RYR2: variants seen among roughly 807,000 people sequenced by gnomAD.
The protein encoded by RYR2 is ryanodine receptor 2, also known as cardiac muscle ryanodine receptor-calcium release channel.
Under a neutral mutation model 601.1 loss-of-function variants are expected in RYR2, and 227 were observed. The ratio of observed to expected loss-of-function variants is 0.38; its 90% CI spans 0.34 to 0.42. The LOEUF (loss-of-function observed/expected upper bound fraction) is 0.42, where lower values mean the gene tolerates loss of function less well. RYR2 is among the 10% of genes least tolerant of loss of function. The pLI is 1.00. For missense variants in RYR2, 4,646 were observed against 6,156.5 expected, an observed-to-expected ratio of 0.75 and a Z score of 8.21; for synonymous variants, 2,223 against 2,175.1, an observed-to-expected ratio of 1.02 and a Z score of -0.61.
intron 17 of RYR2, among the ~76,000 whole-genome samples, chr1:237,478,790 ACC>A (rs10559702): frequency 0.43 from 64,249 of 151,094 alleles, 14,786 homozygotes; most frequent in African/African-American, 0.61. Context: ...GCCTTAAGGG[ACC>A]CCCCTACCCT....
intron 3 of RYR2, among the ~76,000 whole-genome samples, chr1:237,343,466 G>A (rs1244198383): frequency 6.6e-6 from 1 of 152,102 alleles, no homozygotes; most frequent in Admixed American, 6.5e-5. Flanking sequence ...TGCTACAGAG[G>A]CCTCTTCCAG....
intron 2 of RYR2, among the ~76,000 whole-genome samples, chr1:237,304,283 C>T (rs2149464779): frequency 6.6e-6 from 1 of 152,314 alleles, no homozygotes; most frequent in Non-Finnish European, 1.5e-5. Flanking sequence ...CCTGTAAGCT[C>T]ATCCCATTTT....
rs537620419 is a variant in RYR2 at position 237,234,580 on chromosome 1, G to A, written c.49-35917G>A. Among the ~76,000 whole-genome samples the A allele has an allele frequency of 1.5e-3, 229 of 152,236 alleles. 1 individual carries two copies. The highest frequency in any genetic ancestry group is 2.8e-3 in the Non-Finnish European group (190 of 68,010). ...GAATGATACAAAGTTTGTTAACTGA[G>A]GGAATGAGTTAAAATATGTAAATTG... is the stretch of plus-strand genomic sequence containing the variant. On this transcript the variant is annotated intron_variant, in intron 1 of 104. Transcript: ENST00000366574.
chr1:237,796,095 G>A (rs1265849516), intron 96 of RYR2, among the ~76,000 whole-genome samples: 2 of 151,842 alleles, frequency 1.3e-5, no homozygotes, highest in Non-Finnish European at 2.9e-5. Context: ...GGAGGTACAA[G>A]TGTTTTGTTC....
At chr1:237,648,666 TATG>T (rs1682418966) in intron 49 of RYR2, 53 bp downstream of exon 49, 4 of 1,527,376 alleles carry the variant, frequency 2.6e-6, no homozygotes, top group Non-Finnish European at 3.5e-6. Context: ...CTCTGTGCCT[TATG>T]ATGTTCTTTT....
chr1:237,365,070 A>C (rs887630006), intron 5 of RYR2, among the ~76,000 whole-genome samples: 1 of 152,166 alleles, frequency 6.6e-6, no homozygotes, highest in Admixed American at 6.6e-5. Context: ...TATAATAGAA[A>C]ATTTTTGTTT....
chr1:237,781,459 G>A lies in RYR2; in HGVS notation c.11881-106G>A, dbSNP rs903897769. 9.6e-6 allele frequency: 6 copies of A among 623,156 alleles called. No homozygotes were observed. The Admixed American group carries it at 1.4e-4, about 14-fold the overall frequency. 38.6% of individuals were successfully genotyped at this position (623,156 alleles called of 1,614,324 possible). ...CCTTTAGTTCCATAATGCTTCAAGT[G>A]GTTACTATTTATTGCCAGAGCAGCA... On this transcript the variant is annotated intron_variant, in intron 88 of 104. Transcript: ENST00000366574.
intron 1 of RYR2, among the ~76,000 whole-genome samples, chr1:237,108,445 G>A (rs1335612192): frequency 6.6e-6 from 1 of 152,236 alleles, no homozygotes; most frequent in African/African-American, 2.4e-5. Flanking sequence ...TTCCTGGAAT[G>A]AGGCTGATGT....
intron 1 of RYR2, among the ~76,000 whole-genome samples, chr1:237,177,498 C>T (rs922110797): frequency 3.3e-5 from 5 of 152,108 alleles, no homozygotes; most frequent in Non-Finnish European, 7.4e-5. Flanking sequence ...AAACTGCATA[C>T]GAGCATGTTA....
chr1:237,066,511 G>A (rs1393411801), intron 1 of RYR2, among the ~76,000 whole-genome samples: 1 of 152,114 alleles, frequency 6.6e-6, no homozygotes, highest in Non-Finnish European at 1.5e-5. Flanking sequence ...ATTTGGTATT[G>A]TAACTGTTTT....
chr1:237,802,590 C>G (rs1055261219), intron 98 of RYR2, among the ~76,000 whole-genome samples: 8 of 152,184 alleles, frequency 5.3e-5, no homozygotes, highest in African/African-American at 1.7e-4. Flanking sequence ...TCTAAGAGTT[C>G]AAAATCAGGT....
At chr1:237,381,993 T>C (rs908038550) in intron 8 of RYR2, among the ~76,000 whole-genome samples, 1 of 152,198 alleles carries the variant, frequency 6.6e-6, no homozygotes, top group African/African-American at 2.4e-5. Context: ...CAATTTAAAA[T>C]AGAAAAAACA....
chr1:237,792,375 GTGTGT>G lies in RYR2; in HGVS notation c.13782+53_13782+57del. 3.6e-6 allele frequency: 3 copies of G among 834,010 alleles called. No homozygotes were observed. The South Asian group carries it at 5.5e-5, about 15-fold the overall frequency. The allele number at this position is 834,010 out of a possible 1,614,324, so 51.7% of individuals were successfully genotyped here. On this transcript the variant is annotated intron_variant, in intron 94 of 104. Transcript: ENST00000366574. ...TGTGTGTGTGTGTGTGTGTGTGTGT[GTGTGT>G]GCGTGTGTGTGTGTGTGCGTGTGTG... is the stretch of plus-strand genomic sequence containing the variant.
intron 2 of RYR2, among the ~76,000 whole-genome samples, chr1:237,306,624 TATCA>T (rs10600822): frequency 0.054 from 8,209 of 152,268 alleles, 441 homozygotes; most frequent in African/African-American, 0.14. Flanking sequence ...TTTCTCCTGA[TATCA>T]GCTTTGACTT....
chr1:237,565,889 C>T (rs1672023607), intron 27 of RYR2, among the ~76,000 whole-genome samples: 1 of 152,118 alleles, frequency 6.6e-6, no homozygotes, highest in Non-Finnish European at 1.5e-5. Context: ...TACTTTTCCC[C>T]CTTTTGCATC....
intron 64 of RYR2, among the ~76,000 whole-genome samples, chr1:237,699,733 T>C (rs1687794233): frequency 6.6e-6 from 1 of 152,248 alleles, no homozygotes. Flanking sequence ...CACTTCCTAC[T>C]ACAAATAGTG....
chr1:237,341,423 AAC>A (rs1697768662), intron 3 of RYR2, among the ~76,000 whole-genome samples: 1 of 152,124 alleles, frequency 6.6e-6, no homozygotes, highest in Non-Finnish European at 1.5e-5. Context: ...CTCCCCAAAA[AAC>A]AAACACAAAA....
At chr1:237,395,382 A>G (rs1035318544) in intron 10 of RYR2, among the ~76,000 whole-genome samples, 1 of 152,144 alleles carries the variant, frequency 6.6e-6, no homozygotes, top group Non-Finnish European at 1.5e-5. Context: ...CTGCTATTCA[A>G]TATCAACTCT....
intron 1 of RYR2, among the ~76,000 whole-genome samples, chr1:237,096,553 A>G (rs989686236): frequency 7.2e-5 from 11 of 152,320 alleles, no homozygotes; most frequent in African/African-American, 2.6e-4. Flanking sequence ...ATACATTGGT[A>G]TATATTGGTA....
Sources: gnomAD v4.1 joint callset for allele counts (sites outside exome capture counted in the v4.1 genomes callset) on GRCh38, gnomAD v4.1.1 for gene constraint, MANE v1.5 for transcripts, NCBI Gene and HGNC (gene_info 2026-07-23, HGNC 2026-07-21) for gene names.